Variants in GNA14 observed in about 807,000 individuals in gnomAD.
GNA14 encodes G protein subunit alpha 14, also known as guanine nucleotide-binding protein subunit alpha-14.
GNA14 carries 50 observed loss-of-function variants against 42.0 expected under a neutral mutation model. The observed-to-expected ratio is 1.19, with a 90% CI of 0.95 to 1.51. The LOEUF (loss-of-function observed/expected upper bound fraction) is 1.51, where lower values mean the gene tolerates loss of function less well. Among genes scored for constraint, GNA14 ranks in the 40% most tolerant of loss-of-function variants. The pLI is 0.00. For missense variants in GNA14, 473 were observed against 446.2 expected, an observed-to-expected ratio of 1.06 and a Z score of -0.54; for synonymous variants, 173 against 163.1, an observed-to-expected ratio of 1.06 and a Z score of -0.46.
intron 2 of GNA14, among the ~76,000 whole-genome samples, chr9:77,488,786 A>T (rs1303592373): frequency 7.5e-5 from 2 of 26,544 alleles, no homozygotes; most frequent in South Asian, 1.9e-3. Context: ...CACCTAATTA[A>T]AAAAAAAAAA....
At chr9:77,539,401 G>T (rs1236055137) in intron 1 of GNA14, among the ~76,000 whole-genome samples, 2 of 152,080 alleles carry the variant, frequency 1.3e-5, no homozygotes, top group Non-Finnish European at 2.9e-5. Context: ...TGTTGGATTT[G>T]GTTTGCTAGT....
At chr9:77,629,112 A>G (rs182825413) in intron 1 of GNA14, among the ~76,000 whole-genome samples, 2 of 152,354 alleles carry the variant, frequency 1.3e-5, no homozygotes, top group African/African-American at 4.8e-5. Flanking sequence ...TATGTGGCCA[A>G]CAAACATGTG....
At chr9:77,509,909 T>C (rs1166181960) in intron 2 of GNA14, among the ~76,000 whole-genome samples, 4 of 152,144 alleles carry the variant, frequency 2.6e-5, no homozygotes, top group Non-Finnish European at 5.9e-5. Flanking sequence ...TCTTAAAGTG[T>C]CTAGTGGGAA....
chr9:77,609,145 T>TC (rs753321409), intron 1 of GNA14, among the ~76,000 whole-genome samples: 6 of 152,196 alleles, frequency 3.9e-5, no homozygotes, highest in Non-Finnish European at 5.9e-5. Context: ...ACCAAGGTAC[T>TC]CCTTCAATAC....
chr9:77,439,419 G>A (rs1192198286), intron 2 of GNA14, among the ~76,000 whole-genome samples: 2 of 152,148 alleles, frequency 1.3e-5, no homozygotes, highest in East Asian at 1.9e-4. Flanking sequence ...TGGGAGGATC[G>A]CTTGAGCCTA....
Position 77,622,934 on chromosome 9 carries a change from T to G in GNA14, c.124+24736A>C, listed in dbSNP as rs146750783. On this transcript the variant is annotated intron_variant, in intron 1 of 6. Coordinates refer to ENST00000341700, the MANE Select transcript of GNA14 (RefSeq NM_004297.4). The stretch of plus-strand genomic sequence containing the variant: ...GAAAAATTTTTTTTTCAGTTTCAGG[T>G]GGGGCACAGGTGGCTCATGACTGTA... Among the ~76,000 whole-genome samples the G allele has an allele frequency of 3.7e-3, 482 of 129,258 alleles. 11 individuals are homozygous for G. In the East Asian group the frequency reaches 0.068, roughly 18 times the overall value. The allele number at this position is 129,258 out of a possible 152,430, so 84.8% of individuals were successfully genotyped here.
intron 1 of GNA14, among the ~76,000 whole-genome samples, chr9:77,631,467 T>TAA (rs59294268): frequency 8.1e-6 from 1 of 123,402 alleles, no homozygotes; most frequent in Admixed American, 8.2e-5. Context: ...ACTTTTTATG[T>TAA]AAAAAAAAAA....
intron 1 of GNA14, among the ~76,000 whole-genome samples, chr9:77,537,854 G>A (rs1178430974): frequency 6.6e-6 from 1 of 152,100 alleles, no homozygotes; most frequent in African/African-American, 2.4e-5. Context: ...TCACATACCT[G>A]TTGGCCATTT....
chr9:77,626,669 A>G (rs1220335666), intron 1 of GNA14, among the ~76,000 whole-genome samples: 2 of 152,204 alleles, frequency 1.3e-5, no homozygotes, highest in East Asian at 3.8e-4. Context: ...AAGCAGAAAT[A>G]AATAAGTTAT....
intron 2 of GNA14, among the ~76,000 whole-genome samples, chr9:77,521,016 T>G (rs1837348021): frequency 6.6e-6 from 1 of 152,220 alleles, no homozygotes; most frequent in African/African-American, 2.4e-5. Flanking sequence ...CCCATCTTAT[T>G]CTTTCCCATT....
chr9:77,457,932 A>G (rs1320305753), intron 2 of GNA14, among the ~76,000 whole-genome samples: 1 of 150,978 alleles, frequency 6.6e-6, no homozygotes, highest in Non-Finnish European at 1.5e-5. Flanking sequence ...ACTCTTTTCA[A>G]TTGCTTGAAA....
At chr9:77,616,927 T>TG (rs57772202) in intron 1 of GNA14, among the ~76,000 whole-genome samples, 18,835 of 152,074 alleles carry the variant, frequency 0.12, 1,689 homozygotes, top group African/African-American at 0.25. Context: ...TGGAGTGTGG[T>TG]GGCACGATCT....
intron 2 of GNA14, among the ~76,000 whole-genome samples, chr9:77,494,990 G>A (rs1700423775): frequency 1.3e-5 from 2 of 152,052 alleles, no homozygotes; most frequent in South Asian, 2.1e-4. Context: ...AGTGAAGACA[G>A]GGTTTTGCCA....
chr9:77,464,321 G>A (rs1836173528), intron 2 of GNA14, among the ~76,000 whole-genome samples: 1 of 149,518 alleles, frequency 6.7e-6, no homozygotes, highest in East Asian at 2.0e-4. Flanking sequence ...GTGAGAGTGT[G>A]TGTATATATA....
intron 2 of GNA14, among the ~76,000 whole-genome samples, chr9:77,448,057 G>A (rs774976194): frequency 3.3e-5 from 5 of 152,174 alleles, no homozygotes; most frequent in Non-Finnish European, 5.9e-5. Context: ...TGCAGCTGAT[G>A]GGCCACATCC....
At chr9:77,603,688 G>A (rs966300599) in intron 1 of GNA14, among the ~76,000 whole-genome samples, 3 of 151,962 alleles carry the variant, frequency 2.0e-5, no homozygotes, top group African/African-American at 4.8e-5. Flanking sequence ...CTGAGAGGCC[G>A]GGCACAGTGG....
intron 2 of GNA14, among the ~76,000 whole-genome samples, chr9:77,473,535 T>C (rs1039065256): frequency 2.0e-5 from 3 of 151,468 alleles, no homozygotes; most frequent in African/African-American, 7.3e-5. Context: ...ATCTGGAGAC[T>C]TAATATTGTT....
intron 1 of GNA14, among the ~76,000 whole-genome samples, chr9:77,646,314 G>A (rs927892683): frequency 2.5e-4 from 38 of 152,186 alleles, no homozygotes; most frequent in Admixed American, 9.8e-4. Flanking sequence ...TTAGAAGCTG[G>A]TATGGGTCCC....
chr9:77,473,946 A>AT (rs1320365107), intron 2 of GNA14, among the ~76,000 whole-genome samples: 5 of 152,210 alleles, frequency 3.3e-5, no homozygotes, highest in African/African-American at 1.2e-4. Context: ...GGGCAACTGG[A>AT]TATTCACATG....
Sources: gnomAD v4.1 joint callset for allele counts (sites outside exome capture counted in the v4.1 genomes callset) on GRCh38, gnomAD v4.1.1 for gene constraint, MANE v1.5 for transcripts, NCBI Gene and HGNC (gene_info 2026-07-23, HGNC 2026-07-21) for gene names.